The following HS3ST4 variants were observed in gnomAD, a reference collection of about 807,000 sequenced individuals.
HS3ST4 encodes the protein heparan sulfate-glucosamine 3-sulfotransferase 4, also known as heparan sulfate glucosamine 3-O-sulfotransferase 4.
Under a neutral mutation model 29.2 loss-of-function variants are expected in HS3ST4, and 17 were observed. That is an observed-to-expected ratio of 0.58 (90% CI 0.40 to 0.87). The LOEUF is 0.87. Ranked by LOEUF, HS3ST4 falls within the 40% of genes least tolerant of loss-of-function variation. HS3ST4 has a pLI of 0.00. For missense variants in HS3ST4, 627 were observed against 634.5 expected (o/e 0.99, Z 0.13); for synonymous variants, 314 against 285.7 (o/e 1.10, Z -1.00).
At chr16:25,927,381 T>C (rs1273103651) in intron 1 of HS3ST4, among the ~76,000 whole-genome samples, 2 of 152,206 alleles carry the variant, frequency 1.3e-5, no homozygotes, top group Non-Finnish European at 2.9e-5. Flanking sequence ...TTCCATGGCC[T>C]TCAGACACTG....
Position 26,007,225 on chromosome 16 carries a change from CT to C in HS3ST4, c.735-128385del, listed in dbSNP as rs773094242. On this transcript the variant is annotated intron_variant, in intron 1 of 1. Coordinates refer to ENST00000331351, the MANE Select transcript of HS3ST4 (RefSeq NM_006040.3). ...GAAAGGCACATGCTCTTCAGGTCCC[CT>C]TGGTCTTCACCCCTCATTACTGTGT... Among the ~76,000 whole-genome samples the C allele has an allele frequency of 7.8e-4, 118 of 152,196 alleles. 2 individuals carry two copies. The highest frequency in any genetic ancestry group is 4.1e-4 in the South Asian group (2 of 4,832).
At chr16:26,019,284 T>C (rs1460093437) in intron 1 of HS3ST4, among the ~76,000 whole-genome samples, 1 of 152,124 alleles carries the variant, frequency 6.6e-6, no homozygotes, top group Non-Finnish European at 1.5e-5. Flanking sequence ...GGCACCATCA[T>C]TTAGTATTTT....
rs1898272573 is a variant in HS3ST4 at position 26,135,612 on chromosome 16, A to G, written c.735A>G (p.Arg245=). ...TCTTCCTTTTTCCTCCCTCTCCTAG[A>G]AATGTGATGCCCAAGACTTTGGATG... The part of the protein sequence containing the change: ...RNYEKGLEWY[R]NVMPKTLDGQ... Residue 245 remains arginine (R), a splice_region_variant and synonymous_variant, in exon 2 of 2, where the codon AGA becomes AGG. Transcript: ENST00000331351. 6.9e-6 allele frequency: 11 copies of G among 1,586,248 alleles called. No homozygotes were observed. The highest frequency in any genetic ancestry group is 2.2e-5 in the East Asian group (1 of 44,624).
At chr16:26,133,587 A>G (rs7499577) in intron 1 of HS3ST4, among the ~76,000 whole-genome samples, 3 of 152,338 alleles carry the variant, frequency 2.0e-5, no homozygotes, top group South Asian at 2.1e-4. Context: ...CCCAACCATT[A>G]TACTAACAAC....
chr16:25,992,262 C>T (rs990728201), intron 1 of HS3ST4, among the ~76,000 whole-genome samples: 10 of 152,106 alleles, frequency 6.6e-5, no homozygotes, highest in African/African-American at 9.7e-5. Context: ...GGAAGTTATT[C>T]GGAAACTTGG....
chr16:25,944,377 C>T (rs556887894), intron 1 of HS3ST4, among the ~76,000 whole-genome samples: 19 of 152,266 alleles, frequency 1.2e-4, no homozygotes, highest in Admixed American at 3.9e-4. Context: ...GGGTAAAGTT[C>T]CCCCCTGGGA....
chr16:25,772,426 G>A (rs552531067), intron 1 of HS3ST4, among the ~76,000 whole-genome samples: 335 of 152,232 alleles, frequency 2.2e-3, no homozygotes, highest in African/African-American at 7.9e-3. Context: ...GTGTGATCCC[G>A]GGTAAGTTAC....
intron 1 of HS3ST4, among the ~76,000 whole-genome samples, chr16:25,967,173 C>T (rs917240039): frequency 3.9e-5 from 6 of 152,048 alleles, no homozygotes; most frequent in Admixed American, 6.6e-5. Flanking sequence ...TTTTTTGAGA[C>T]GGAATCTCGC....
At chr16:25,759,767 A>T (rs1056061756) in intron 1 of HS3ST4, among the ~76,000 whole-genome samples, 2 of 152,154 alleles carry the variant, frequency 1.3e-5, no homozygotes, top group African/African-American at 4.8e-5. Flanking sequence ...TCTATGAAAA[A>T]AATTTAAAAA....
intron 1 of HS3ST4, among the ~76,000 whole-genome samples, chr16:26,079,764 T>C (rs945560814): frequency 9.2e-5 from 14 of 152,202 alleles, no homozygotes; most frequent in Admixed American, 2.6e-4. Context: ...TTTTGAGGAC[T>C]GTGCATCTAG....
intron 1 of HS3ST4, among the ~76,000 whole-genome samples, chr16:26,089,240 A>G (rs1174695187): frequency 1.3e-5 from 2 of 152,234 alleles, no homozygotes; most frequent in Non-Finnish European, 2.9e-5. Flanking sequence ...CCTAGAAGGC[A>G]AAACAGGACC....
chr16:25,897,468 T>C (rs1214737055), intron 1 of HS3ST4, among the ~76,000 whole-genome samples: 2 of 151,966 alleles, frequency 1.3e-5, no homozygotes, highest in Admixed American at 6.6e-5. Context: ...AAAATGATAA[T>C]ATAAAATTGG....
intron 1 of HS3ST4, among the ~76,000 whole-genome samples, chr16:26,097,702 G>A (rs1898942959): frequency 6.6e-6 from 1 of 152,104 alleles, no homozygotes; most frequent in African/African-American, 2.4e-5. Context: ...AACACCAAAA[G>A]CAATGGCAAC....
At chr16:25,853,312 GTATATA>G (rs57953638) in intron 1 of HS3ST4, among the ~76,000 whole-genome samples, 28 of 91,634 alleles carry the variant, frequency 3.1e-4, no homozygotes, top group Admixed American at 1.6e-3. Flanking sequence ...GTGTGTGTGT[GTATATA>G]TATATATATA....
At chr16:26,067,576 G>T (rs1393253422) in intron 1 of HS3ST4, among the ~76,000 whole-genome samples, 1 of 143,606 alleles carries the variant, frequency 7.0e-6, no homozygotes, top group Non-Finnish European at 1.5e-5. Context: ...AAATGAAATT[G>T]TCCTCCCAGG....
intron 1 of HS3ST4, among the ~76,000 whole-genome samples, chr16:26,119,269 A>G (rs1380978485): frequency 6.6e-6 from 1 of 152,226 alleles, no homozygotes; most frequent in Admixed American, 6.5e-5. Context: ...TGGCATTTAG[A>G]GGAACAAGAC....
chr16:25,716,089 T>A (rs1966452279), intron 1 of HS3ST4, among the ~76,000 whole-genome samples: 1 of 152,196 alleles, frequency 6.6e-6, no homozygotes, highest in Non-Finnish European at 1.5e-5. Context: ...TAGTGGTTTT[T>A]CTTAAAATTC....
At chr16:25,941,206 C>A (rs1968568428) in intron 1 of HS3ST4, among the ~76,000 whole-genome samples, 1 of 152,098 alleles carries the variant, frequency 6.6e-6, no homozygotes, top group Non-Finnish European at 1.5e-5. Context: ...GCCCTTGTTT[C>A]CCAGGCTGGA....
At chr16:25,828,301 CCTCTCT>C (rs1196055715) in intron 1 of HS3ST4, among the ~76,000 whole-genome samples, 2,044 of 32,778 alleles carry the variant, frequency 0.062, 172 homozygotes, top group Admixed American at 0.1. Context: ...TCTTTCTTTC[CCTCTCT>C]CTCTCTCTCT....
Sources: allele counts gnomAD v4.1 joint callset (sites outside exome capture counted in the v4.1 genomes callset), GRCh38; gene constraint gnomAD v4.1.1; transcripts MANE v1.5; gene names NCBI Gene and HGNC (gene_info 2026-07-23, HGNC 2026-07-21).